Variants in ELAVL1 observed in about 807,000 individuals in gnomAD.
ELAVL1 encodes ELAV like RNA binding protein 1.
Under a neutral mutation model 28.4 loss-of-function variants are expected in ELAVL1, and 1 was observed. That is an observed-to-expected ratio of 0.04 (90% CI 0.01 to 0.17). The LOEUF is 0.17. Among genes scored for constraint, ELAVL1 ranks in the 10% least tolerant of loss-of-function variants. ELAVL1 has a pLI of 1.00. For missense variants in ELAVL1, 157 were observed against 447.2 expected, an observed-to-expected ratio of 0.35 and a Z score of 5.85; for synonymous variants, 174 against 183.5, an observed-to-expected ratio of 0.95 and a Z score of 0.42.
chr19:7,979,095 C>T lies in ELAVL1; in HGVS notation c.276+1988G>A, dbSNP rs749647995. Among the ~76,000 whole-genome samples the T allele has an allele frequency of 1.3e-5, 2 of 152,162 alleles. No homozygotes were observed. The highest frequency in any genetic ancestry group is 2.9e-5 in the Non-Finnish European group (2 of 68,016). On this transcript the variant is annotated intron_variant, in intron 3 of 5. Transcript: ENST00000407627. The surrounding 1 kb of genome is among the most constrained non-coding windows in gnomAD (Gnocchi z 5.4). Reference sequence around the variant, plus strand: ...AGCACAGAGGACCCCAGGGCTGCGCCGGGGGAACTGCTAGAGGAGCCAGGC... The same window carrying T: ...AGCACAGAGGACCCCAGGGCTGCGCTGGGGGAACTGCTAGAGGAGCCAGGC...
intron 1 of ELAVL1, among the ~76,000 whole-genome samples, chr19:7,996,563 T>C (rs1198525556): frequency 6.8e-6 from 1 of 147,952 alleles, no homozygotes; most frequent in Non-Finnish European, 1.5e-5. Flanking sequence ...TCCAGCACTT[T>C]GGGAGGCCGA....
chr19:7,965,048 C>T (rs1053730033), intron 5 of ELAVL1, among the ~76,000 whole-genome samples: 6 of 152,334 alleles, frequency 3.9e-5, no homozygotes, highest in Non-Finnish European at 7.3e-5. Flanking sequence ...TCGACAGACA[C>T]GAGAGGACAC....
intron 1 of ELAVL1, among the ~76,000 whole-genome samples, chr19:7,996,960 C>T (rs1211639335): frequency 6.6e-6 from 1 of 152,074 alleles, no homozygotes; most frequent in East Asian, 1.9e-4. Context: ...AAAACCACAT[C>T]GAGACACCGC....
At chr19:7,993,088 T>A (rs1180961431) in intron 1 of ELAVL1, among the ~76,000 whole-genome samples, 3 of 152,176 alleles carry the variant, frequency 2.0e-5, no homozygotes, top group Non-Finnish European at 2.9e-5. Context: ...TTAAAAAAAA[T>A]TTTATTCAGT....
intron 1 of ELAVL1, among the ~76,000 whole-genome samples, chr19:8,002,519 G>C (rs892835221): frequency 6.6e-6 from 1 of 152,342 alleles, no homozygotes; most frequent in South Asian, 2.1e-4. Flanking sequence ...GTCTTCCCCT[G>C]ACCCACAGCT....
intron 4 of ELAVL1, among the ~76,000 whole-genome samples, chr19:7,972,600 G>C (rs1403745779): frequency 6.6e-6 from 1 of 152,002 alleles, no homozygotes; most frequent in Non-Finnish European, 1.5e-5. Context: ...AGCCACAGTG[G>C]ACAAATGTGC....
chr19:7,972,074 G>A (rs1220388191), intron 4 of ELAVL1, among the ~76,000 whole-genome samples: 1 of 152,232 alleles, frequency 6.6e-6, no homozygotes, highest in Non-Finnish European at 1.5e-5. Flanking sequence ...TCACAGCCAA[G>A]GTGCGGCACA....
intron 3 of ELAVL1, among the ~76,000 whole-genome samples, chr19:7,975,734 T>C (rs1294933228): frequency 6.6e-6 from 1 of 152,190 alleles, no homozygotes; most frequent in African/African-American, 2.4e-5. Flanking sequence ...ATACAGTCAT[T>C]GCGGATGTAA....
At chr19:8,005,312 C>CGCCCACACCG (rs2081083565) in intron 1 of ELAVL1, among the ~76,000 whole-genome samples, 183 bp downstream of exon 1, 1 of 150,438 alleles carries the variant, frequency 6.6e-6, no homozygotes, top group African/African-American at 2.4e-5. Context: ...CTGTAGCCGG[C>CGCCCACACCG]GCCCACACCG....
chr19:7,973,432 A>G, intron 4 of ELAVL1: 2 of 435,826 alleles, frequency 4.6e-6, no homozygotes, highest in East Asian at 6.8e-5. Flanking sequence ...GGGTTTCACC[A>G]TGTTGGTCAG....
rs2081074421 is a variant in ELAVL1 at position 8,003,302 on chromosome 19, AG to A, written c.-17+2192del. 2.3e-5 allele frequency among the ~76,000 whole-genome samples: 3 copies of A among 128,574 alleles called. No individual in the cohort carries two copies. In the South Asian group the frequency reaches 8.0e-4, roughly 34 times the overall value. The allele number at this position is 128,574 out of a possible 152,430, so 84.3% of individuals were successfully genotyped here. ...TACTTGGGAGGCTGAGGTTGCAGTG[AG>A]CTGAGATGGCACAACTGCACTCCAG... On this transcript the variant is annotated intron_variant, in intron 1 of 5. Transcript: ENST00000407627.
At chr19:7,980,920 G>T (rs1192464814) in intron 3 of ELAVL1, among the ~76,000 whole-genome samples, 163 bp downstream of exon 3, 2 of 152,158 alleles carry the variant, frequency 1.3e-5, no homozygotes, top group Non-Finnish European at 2.9e-5. Context: ...AGACACTCAT[G>T]TAAGGCCTGG....
intron 5 of ELAVL1, among the ~76,000 whole-genome samples, chr19:7,965,424 G>T (rs1015400453): frequency 6.6e-6 from 1 of 152,076 alleles, no homozygotes; most frequent in Non-Finnish European, 1.5e-5. Context: ...TGATTTCTCT[G>T]GTCTTGACAG....
rs567069635 is a variant in ELAVL1, at chr19:7,965,068, T to C, written c.657-1261A>G. On this transcript the variant is annotated intron_variant, in intron 5 of 5. Coordinates refer to ENST00000407627, the MANE Select transcript of ELAVL1 (RefSeq NM_001419.3). ...AGACACGAGAGGACACCAGCTGCCA[T>C]GGGGCAGCTCACTAGCCCAACGGTG... Among the ~76,000 whole-genome samples, 6 of 152,330 alleles carry C rather than the reference T, an allele frequency of 3.9e-5. No individual in the cohort carries two copies. In the East Asian group the frequency reaches 9.6e-4, roughly 24 times the overall value.
intron 1 of ELAVL1, chr19:8,002,216 A>G: frequency 1.0e-6 from 1 of 994,002 alleles, no homozygotes; most frequent in South Asian, 1.3e-5. Context: ...CTGTATCCTA[A>G]AAAGCCCCAC....
intron 4 of ELAVL1, chr19:7,973,289 G>GGCAAGACCTCGGC (rs1445582671): frequency 1.2e-5 from 3 of 255,660 alleles, no homozygotes; most frequent in African/African-American, 6.8e-5. Flanking sequence ...GGAGTGCAGT[G>GGCAAGACCTCGGC]GCAAGACCTC....
At position 7,963,783 on chromosome 19, in the gene ELAVL1, G is replaced by A. The variant is rs773403765; in HGVS notation, c.681C>T (p.His227=). ...CGTTGACGCCAGAGAGCCCGCTCAT[G>A]TGATCGACGCCCATGGGGGAGAACC... The part of the protein sequence containing the change: ...RFRFSPMGVD[H]MSGLSGVNVP... The change falls in exon 6 of 6, where the codon CAC becomes CAT. Residue 227 remains histidine (H), a synonymous_variant. Coordinates refer to ENST00000407627, the MANE Select transcript of ELAVL1 (RefSeq NM_001419.3). The surrounding 1 kb of genome is among the most constrained non-coding windows in gnomAD (Gnocchi z 4.5). 2.0e-5 allele frequency: 32 copies of A among 1,614,084 alleles called. No individual in the cohort carries two copies. The highest frequency in any genetic ancestry group is 2.3e-5 in the Non-Finnish European group (27 of 1,179,904).
At chr19:7,975,728 A>G (rs926397931) in intron 3 of ELAVL1, among the ~76,000 whole-genome samples, 4 of 152,240 alleles carry the variant, frequency 2.6e-5, no homozygotes, top group Admixed American at 1.3e-4. Flanking sequence ...ATTTGGATAC[A>G]GTCATTGCGG....
intron 4 of ELAVL1, 90 bp from the exon 5 acceptor site, chr19:7,967,880 G>A: frequency 1.4e-6 from 2 of 1,401,922 alleles, no homozygotes; most frequent in Non-Finnish European, 1.9e-6. Context: ...GTCTACTGTG[G>A]GCCAGGCTAG....
Sources: allele counts gnomAD v4.1 joint callset (sites outside exome capture counted in the v4.1 genomes callset), GRCh38; gene constraint gnomAD v4.1.1; non-coding constraint Gnocchi (gnomAD v3.1); transcripts MANE v1.5; gene names NCBI Gene and HGNC (gene_info 2026-07-23, HGNC 2026-07-21).